Variants in PLCH2 observed in about 807,000 individuals in gnomAD.
PLCH2 encodes phospholipase C eta 2.
In PLCH2, 98 loss-of-function variants were observed where a neutral mutation model predicts 134.7. That is an observed-to-expected ratio of 0.73 (90% CI 0.62 to 0.86). The LOEUF (loss-of-function observed/expected upper bound fraction) is 0.86. Ranked by LOEUF, PLCH2 falls within the 40% of genes least tolerant of loss-of-function variation. The probability of loss-of-function intolerance (pLI) is 0.00; values close to 1 mark genes in which losing one functional copy is unlikely to be tolerated. For synonymous variants in PLCH2, 974 were observed against 827.5 expected (o/e 1.18, Z -3.04); for missense variants, 1,994 against 1,986.6 (o/e 1.00, Z -0.07).
chr1:2,442,903 G>A (rs72644621), intron 2 of PLCH2, among the ~76,000 whole-genome samples: 11 of 152,312 alleles, frequency 7.2e-5, no homozygotes, highest in East Asian at 1.9e-4. Flanking sequence ...CTTGTCTCCC[G>A]CCTCCTCCTT....
intron 2 of PLCH2, among the ~76,000 whole-genome samples, chr1:2,458,925 C>T (rs532944376): frequency 1.3e-5 from 2 of 152,362 alleles, no homozygotes; most frequent in South Asian, 2.1e-4. Flanking sequence ...TCTCTGCAAA[C>T]GGGGGCCCGA....
upstream of PLCH2, among the ~76,000 whole-genome samples, chr1:2,425,223 CACAT>C (rs1022302652): frequency 6.7e-5 from 10 of 149,936 alleles, no homozygotes; most frequent in Admixed American, 5.9e-4. Flanking sequence ...TGCACACACA[CACAT>C]ATTTACACAC....
intron 2 of PLCH2, among the ~76,000 whole-genome samples, chr1:2,434,647 T>C (rs1343133093): frequency 1.3e-5 from 2 of 152,214 alleles, no homozygotes; most frequent in Non-Finnish European, 2.9e-5. Flanking sequence ...GGCAAGGGCC[T>C]GGCTTCCAGC....
At chr1:2,487,471 G>A (rs1642349603) in intron 7 of PLCH2, 95 bp downstream of exon 7, 4 of 1,471,594 alleles carry the variant, frequency 2.7e-6, no homozygotes, top group Admixed American at 1.9e-5. Flanking sequence ...TCTGGGCAGG[G>A]GCTGGGAAGG....
At chr1:2,499,008 G>T (rs1643058889) in intron 18 of PLCH2, 76 bp from the exon 19 acceptor site, 1 of 1,521,792 alleles carries the variant, frequency 6.6e-7, no homozygotes, top group Admixed American at 1.9e-5. Context: ...AGTGGTGTGG[G>T]CCGGGGGCTC....
intron 2 of PLCH2, among the ~76,000 whole-genome samples, chr1:2,431,565 C>T (rs890362135): frequency 6.6e-5 from 10 of 152,136 alleles, no homozygotes; most frequent in Admixed American, 3.3e-4. Flanking sequence ...GAGCAAGCTG[C>T]GCCCCCTTCT....
chr1:2,426,403 C>A (rs577393527), intron 1 of PLCH2, among the ~76,000 whole-genome samples: 1 of 152,204 alleles, frequency 6.6e-6, no homozygotes, highest in Non-Finnish European at 1.5e-5. Flanking sequence ...AGTGGGGCTC[C>A]GGGGTGTCCC....
At chr1:2,479,695 C>T (rs969646062) in intron 2 of PLCH2, 39 bp from the exon 3 acceptor site, 3 of 1,510,346 alleles carry the variant, frequency 2.0e-6, no homozygotes, top group East Asian at 2.5e-5. Context: ...GACGCTGGGC[C>T]CCCGGGGACC....
chr1:2,467,620 A>T, exon 1 of PLCH2: 1 of 413,138 alleles, frequency 2.4e-6, no homozygotes, highest in Non-Finnish European at 4.3e-6. Flanking sequence ...CCCGCCGGCC[A>T]TGGAAGAGCC....
chr1:2,425,690 G>GTTT (rs74733826), upstream of PLCH2, among the ~76,000 whole-genome samples: 2 of 142,260 alleles, frequency 1.4e-5, no homozygotes, highest in Non-Finnish European at 3.1e-5. Flanking sequence ...ATTTTGGTGT[G>GTTT]TTTTTTTTTT....
At chr1:2,429,872 G>A (rs964975489) in intron 1 of PLCH2, among the ~76,000 whole-genome samples, 1 of 152,136 alleles carries the variant, frequency 6.6e-6, no homozygotes, top group Non-Finnish European at 1.5e-5. Context: ...AGGAGGGGCT[G>A]GGGGGGCCGG....
At chr1:2,494,624 A>G (rs965124707) in intron 11 of PLCH2, 1 of 587,626 alleles carries the variant, frequency 1.7e-6, no homozygotes, top group South Asian at 2.0e-5. Context: ...CCTGACTTTC[A>G]GGCCGCTTCT....
At chr1:2,501,800 C>T in intron 20 of PLCH2, 1 of 345,654 alleles carries the variant, frequency 2.9e-6, no homozygotes, top group Non-Finnish European at 5.2e-6. Flanking sequence ...AGGGAAAGAC[C>T]TTCTCTCCAT....
chr1:2,496,512 A>T, intron 13 of PLCH2, 95 bp from the exon 14 acceptor site: 1 of 1,022,552 alleles, frequency 9.8e-7, no homozygotes, highest in Non-Finnish European at 1.5e-6. Flanking sequence ...TGCGTGAATT[A>T]ATGAGGCTGC....
intron 5 of PLCH2, 34 bp downstream of exon 5, chr1:2,484,652 C>A (rs1362873652): frequency 1.9e-6 from 3 of 1,601,854 alleles, no homozygotes; most frequent in Non-Finnish European, 2.5e-6. Flanking sequence ...GGGGGGCCAG[C>A]CATCAGGCCT....
rs1035333012 is a variant in PLCH2 at position 2,439,667 on chromosome 1, G to A, written c.115+9038G>A. ...CCTCAGGCTGCAGAAGGGCCTCTGA[G>A]ACCTCCCGCCCAGGTCTCTGGCCCT... On this transcript the variant is annotated intron_variant, in intron 2 of 3. Coordinates refer to the PLCH2 transcript ENST00000609981. The surrounding 1 kb of genome is among the most constrained non-coding windows in gnomAD (Gnocchi z 4.7). 2.6e-5 allele frequency among the ~76,000 whole-genome samples: 4 copies of A among 152,216 alleles called. No homozygotes were observed. Among genetic ancestry groups the A allele is most frequent in the African/African-American group, 9.7e-5 (4 of 41,448 alleles).
rs1260295073 is a variant in PLCH2, at chr1:2,487,292, TACCTCGTGGGTG to T, written c.1034_1045del (p.Leu345_Asp348del). On this transcript the variant is annotated inframe_deletion, in exon 7 of 22. Transcript: ENST00000378486. ...CTTCATCACCTCGTCCCACAACACC[TACCTCGTGGGTG>T]ACCAGCTCATGTCCCAGTCACGGGT... The T allele has an allele frequency of 2.5e-6, 4 of 1,613,338 alleles. No homozygotes were observed. Among genetic ancestry groups the T allele is most frequent in the Non-Finnish European group, 3.4e-6 (4 of 1,179,586 alleles).
At position 2,504,011 on chromosome 1, in the gene PLCH2, C is replaced by G. The variant is rs1398053077; in HGVS notation, c.3049C>G (p.Pro1017Ala). 2.0e-6 allele frequency: 3 copies of G among 1,529,828 alleles called. No individual in the cohort carries two copies. Among genetic ancestry groups the G allele is most frequent in the Non-Finnish European group, 2.7e-6 (3 of 1,129,168 alleles). 94.8% of individuals were successfully genotyped at this position (1,529,828 alleles called of 1,614,324 possible). A position where few individuals can be genotyped will look rare whatever the true frequency, so the allele number is the denominator to read the frequency against. The change falls in exon 22 of 22, where the codon CCG (proline) becomes GCG (alanine). Residue 1017 changes from proline (P) to alanine (A), a missense_variant. Around this residue, in one of 2 missense-constraint regions of PLCH2, gnomAD observed 900 missense variants for 752.3 expected, o/e 1.20. Transcript: ENST00000378486. Reference protein sequence around the residue: ...AEEPAPGPGPPPPAAVPTSSS... With the variant: ...AEEPAPGPGPAPPAAVPTSSS... ...GGAGCCCGCCCCAGGCCCTGGTCCC[C>G]CGCCACCAGCGGCTGTCCCCACCAG... is the stretch of plus-strand genomic sequence containing the variant.
At chr1:2,497,742 G>A (rs1642976843) in intron 16 of PLCH2, 133 bp downstream of exon 16, 2 of 613,840 alleles carry the variant, frequency 3.3e-6, no homozygotes, top group Non-Finnish European at 5.8e-6. Context: ...CCCCTGGAGG[G>A]TCAGGTTGGG....
Sources: allele counts gnomAD v4.1 joint callset (sites outside exome capture counted in the v4.1 genomes callset), GRCh38; gene constraint gnomAD v4.1.1; regional missense constraint gnomAD v4.1.1; non-coding constraint Gnocchi (gnomAD v3.1); transcripts MANE v1.5; gene names NCBI Gene and HGNC (gene_info 2026-07-23, HGNC 2026-07-21).